JADE3: variants seen among roughly 807,000 people sequenced by gnomAD.
JADE3 encodes the protein jade family PHD finger 3.
A neutral mutation model predicts 50.1 loss-of-function variants in JADE3; 2 were observed. The ratio of observed to expected loss-of-function variants is 0.04; its 90% CI spans 0.02 to 0.13. The LOEUF (loss-of-function observed/expected upper bound fraction) is 0.13, where lower values mean the gene tolerates loss of function less well. JADE3 is among the 10% of genes least tolerant of loss of function. JADE3 has a pLI of 1.00. For synonymous variants in JADE3, 218 were observed against 232.9 expected, an observed-to-expected ratio of 0.94 and a Z score of 0.58; for missense variants, 475 against 634.4, an observed-to-expected ratio of 0.75 and a Z score of 2.70.
At chrX:46,991,047 T>TCCCCCC (rs1927982991) in intron 3 of JADE3, among the ~76,000 whole-genome samples, 1 of 1,609 alleles carries the variant, frequency 6.2e-4, no homozygotes, top group Non-Finnish European at 1.2e-3. Context: ...CTTCCTTCCC[T>TCCCCCC]CCCTCCCTCC....
chrX:46,968,936 T>C (rs1302918685), intron 1 of JADE3, among the ~76,000 whole-genome samples: 2 of 112,060 alleles, frequency 1.8e-5, no homozygotes, highest in Non-Finnish European at 3.8e-5. Flanking sequence ...GTCAACCAGA[T>C]TTAATTGACA....
At chrX:47,006,615 T>A (rs1210339675) in intron 4 of JADE3, among the ~76,000 whole-genome samples, 1 of 109,614 alleles carries the variant, frequency 9.1e-6, no homozygotes, top group Non-Finnish European at 1.9e-5. Flanking sequence ...CTTTTCTGTT[T>A]TTAATCTCAT....
At chrX:47,008,012 C>T (rs1928474864) in intron 4 of JADE3, among the ~76,000 whole-genome samples, 1 of 111,208 alleles carries the variant, frequency 9.0e-6, no homozygotes, top group Non-Finnish European at 1.9e-5. Context: ...CCTAAAAATA[C>T]CTCCAGGCCC....
intron 1 of JADE3, among the ~76,000 whole-genome samples, chrX:46,917,481 A>G (rs1476158616): frequency 1.6e-4 from 18 of 111,042 alleles, no homozygotes; most frequent in Non-Finnish European, 3.4e-4. Flanking sequence ...CGCAGCAAGT[A>G]TAAGGTAGAA....
chrX:46,987,722 G>C (rs3135222), intron 3 of JADE3, among the ~76,000 whole-genome samples: 2 of 110,788 alleles, frequency 1.8e-5, no homozygotes, highest in Non-Finnish European at 3.8e-5. Context: ...AAGAAACCTC[G>C]CTACCTACCC....
In JADE3 at chrX:47,058,773, G is replaced by C; in HGVS notation, c.2168G>C (p.Trp723Ser). ...SRSFKETTNR[W>S]VKNTEDLQCY... The stretch of plus-strand genomic sequence containing the variant: ...TCCTTTAAAGAGACCACCAATAGGT[G>C]GGTGAAGAACACAGAGGACCTCCAG... Residue 723 changes from tryptophan to serine, a missense_variant, in exon 11 of 11, where the codon TGG (tryptophan) becomes TCG (serine). Trp to Ser is a radical substitution (Grantham distance 177). Transcript: ENST00000614628. 1 of 1,209,596 alleles carries C rather than the reference G, an allele frequency of 8.3e-7. No homozygotes were observed. The highest frequency in any genetic ancestry group is 1.1e-6 in the Non-Finnish European group (1 of 893,667).
intron 1 of JADE3, among the ~76,000 whole-genome samples, chrX:46,934,589 C>T (rs1043653465): frequency 2.7e-5 from 3 of 109,876 alleles, no homozygotes; most frequent in East Asian, 5.7e-4. Flanking sequence ...TGAGTCACCG[C>T]GCCCGGCCTT....
At chrX:47,011,812 C>G (rs1264803623) in intron 4 of JADE3, among the ~76,000 whole-genome samples, 4 of 111,643 alleles carry the variant, frequency 3.6e-5, no homozygotes, top group Non-Finnish European at 7.5e-5. Flanking sequence ...TCTCGATGTC[C>G]TTCTTAGCCA....
chrX:46,959,425 C>A (rs1235372479), intron 1 of JADE3, among the ~76,000 whole-genome samples: 2 of 111,977 alleles, frequency 1.8e-5, no homozygotes. Context: ...TTGATGAGTG[C>A]CCAGTATGTA....
chrX:47,037,364 CCTCT>C (rs782534182), intron 7 of JADE3, among the ~76,000 whole-genome samples: 1 of 112,074 alleles, frequency 8.9e-6, no homozygotes, highest in Non-Finnish European at 1.9e-5. Flanking sequence ...CTTGTCACTC[CCTCT>C]GTTTTTTATC....
intron 4 of JADE3, among the ~76,000 whole-genome samples, chrX:47,011,546 T>C (rs1432857837): frequency 8.9e-6 from 1 of 111,787 alleles, no homozygotes; most frequent in Non-Finnish European, 1.9e-5. Context: ...CTTGGGTACA[T>C]ACCTAGGAAT....
intron 4 of JADE3, among the ~76,000 whole-genome samples, chrX:47,020,725 C>T (rs782808895): frequency 8.9e-6 from 1 of 112,169 alleles, no homozygotes; most frequent in African/African-American, 3.2e-5. Flanking sequence ...AATTTTGCAT[C>T]GAAGTATAAT....
In JADE3 at chrX:47,058,297, C is replaced by G. The variant is rs782627619; in HGVS notation, c.1692C>G (p.Pro564=). The change falls in exon 11 of 11, where the codon CCC becomes CCG. Residue 564 remains proline, a synonymous_variant. Transcript: ENST00000614628. ...GCTCCACAGAAACCGATCAGCAGCC[C>G]CACTCTCCTGACAGCAGCTCATCTG... The part of the protein sequence containing the change: ...RNSSTETDQQ[P]HSPDSSSSVH... 12 of 1,208,459 alleles carry G rather than the reference C, an allele frequency of 9.9e-6. No homozygotes were observed. The highest frequency in any genetic ancestry group is 1.2e-5 in the Non-Finnish European group (11 of 894,804).
chrX:47,046,414 G>C (rs1049893447), intron 8 of JADE3, among the ~76,000 whole-genome samples: 1 of 111,775 alleles, frequency 8.9e-6, no homozygotes, highest in African/African-American at 3.2e-5. Context: ...GAAAATCCTG[G>C]GACCCAGTGG....
chrX:46,999,355 T>C (rs906573726), intron 4 of JADE3, among the ~76,000 whole-genome samples: 2 of 104,345 alleles, frequency 1.9e-5, no homozygotes, highest in African/African-American at 7.1e-5. Context: ...TACACAAACT[T>C]TTGGTGACAC....
chrX:47,027,780 G>A (rs1928935216), intron 5 of JADE3, 112 bp from the exon 6 acceptor site: 1 of 582,296 alleles, frequency 1.7e-6, no homozygotes, highest in Admixed American at 3.3e-5. Context: ...GAGCAGGAAA[G>A]AGATGTTTTT....
intron 1 of JADE3, among the ~76,000 whole-genome samples, chrX:46,968,039 G>A (rs782787335): frequency 1.8e-5 from 2 of 111,554 alleles, no homozygotes; most frequent in South Asian, 7.5e-4. Flanking sequence ...CAGATAGGGG[G>A]TCAGCCTCCC....
At chrX:47,000,218 C>G (rs1298496834) in intron 4 of JADE3, among the ~76,000 whole-genome samples, 1 of 111,057 alleles carries the variant, frequency 9.0e-6, no homozygotes, top group East Asian at 2.8e-4. Flanking sequence ...ATCTCCTGCC[C>G]CCTAAAAATC....
intron 1 of JADE3, 56 bp from the exon 2 acceptor site, chrX:46,984,827 TG>T: frequency 1.1e-6 from 1 of 895,372 alleles, no homozygotes; most frequent in Non-Finnish European, 1.6e-6. Flanking sequence ...CAGTGTTGAC[TG>T]CCCTCTGGGA....
Sources: allele counts gnomAD v4.1 joint callset (sites outside exome capture counted in the v4.1 genomes callset), GRCh38; gene constraint gnomAD v4.1.1; transcripts MANE v1.5; gene names NCBI Gene and HGNC (gene_info 2026-07-23, HGNC 2026-07-21).